The following NMRK1 variants were observed in gnomAD, a reference collection of about 807,000 sequenced individuals.
The protein encoded by NMRK1 is NRK 1.
In NMRK1, 28 loss-of-function variants were observed where a neutral mutation model predicts 29.9. The ratio of observed to expected loss-of-function variants is 0.94; its 90% CI spans 0.69 to 1.28. The LOEUF (loss-of-function observed/expected upper bound fraction) is 1.28. Among genes scored for constraint, NMRK1 ranks in the 50% most tolerant of loss-of-function variants. NMRK1 has a pLI of 0.00. For missense variants in NMRK1, 218 were observed against 233.1 expected (o/e 0.94, Z 0.42); for synonymous variants, 58 against 73.0 (o/e 0.79, Z 1.05).
At chr9:75,087,521 G>C (rs1326484984) in intron 1 of NMRK1, 2 of 151,606 alleles carry the variant, frequency 1.3e-5, no homozygotes, top group Non-Finnish European at 2.9e-5. Flanking sequence ...CCGTGTTCCA[G>C]TAAAATTTTA....
intron 2 of NMRK1, 150 bp downstream of exon 2, chr9:75,082,937 G>A: frequency 1.6e-6 from 1 of 637,284 alleles, no homozygotes; most frequent in East Asian, 2.6e-5. Flanking sequence ...CATTTATGAA[G>A]CCAGTGCTCC....
At chr9:75,068,180 T>C (rs1159926802) in intron 7 of NMRK1, among the ~76,000 whole-genome samples, 2 of 152,108 alleles carry the variant, frequency 1.3e-5, no homozygotes, top group Non-Finnish European at 2.9e-5. Flanking sequence ...TTCTACTGAG[T>C]GCGGGCGTCC....
At chr9:75,073,748 TAAAC>T (rs986396996) in intron 4 of NMRK1, among the ~76,000 whole-genome samples, 3 of 152,036 alleles carry the variant, frequency 2.0e-5, no homozygotes, top group Non-Finnish European at 2.9e-5. Context: ...CAATAAAAAA[TAAAC>T]AAACAAACAA....
intron 4 of NMRK1, among the ~76,000 whole-genome samples, chr9:75,076,438 G>C (rs192729415): frequency 1.5e-4 from 23 of 152,006 alleles, no homozygotes; most frequent in African/African-American, 2.9e-4. Context: ...GGAGGCAGGT[G>C]GGGGGGAATG....
At chr9:75,077,067 C>T (rs572285810) in intron 4 of NMRK1, 92 bp downstream of exon 4, 4 of 752,512 alleles carry the variant, frequency 5.3e-6, no homozygotes, top group Admixed American at 5.0e-5. Context: ...TTTTGTTCCA[C>T]AGAACCATCA....
chr9:75,069,553 A>C, intron 6 of NMRK1, 189 bp downstream of exon 6: 1 of 563,476 alleles, frequency 1.8e-6, no homozygotes, highest in Non-Finnish European at 3.1e-6. Context: ...TTTTCTTAGA[A>C]AGTAATTTGC....
Position 75,061,346 on chromosome 9 carries a change from C to A in NMRK1, c.*202G>T, listed in dbSNP as rs1823009124. The A allele has an allele frequency of 3.8e-6, 2 of 520,720 alleles. No homozygotes were observed. The highest frequency in any genetic ancestry group is 6.8e-6 in the Non-Finnish European group (2 of 295,056). The allele number at this position is 520,720 out of a possible 1,614,324, so 32.3% of individuals were successfully genotyped here. A position where few individuals can be genotyped will look rare whatever the true frequency, so the allele number is the denominator to read the frequency against. ...ATCTATGCGCTCCCTGGAGAGGGAG[C>A]AACTTGCTAAGGTACAGTCCTGTCC... On this transcript the variant is annotated 3_prime_UTR_variant, in exon 9 of 9. Coordinates refer to ENST00000361092, the MANE Select transcript of NMRK1 (RefSeq NM_017881.3).
At chr9:75,082,096 G>A (rs938100192) in intron 2 of NMRK1, among the ~76,000 whole-genome samples, 2 of 152,156 alleles carry the variant, frequency 1.3e-5, no homozygotes, top group African/African-American at 4.8e-5. Flanking sequence ...TCAATAACTC[G>A]GAACCACTGA....
intron 7 of NMRK1, among the ~76,000 whole-genome samples, chr9:75,068,354 GC>G (rs1823488127): frequency 6.6e-6 from 1 of 152,084 alleles, no homozygotes; most frequent in Non-Finnish European, 1.5e-5. Context: ...TAGATTATTG[GC>G]CTTATAGGGT....
chr9:75,062,732 C>A (rs11144211), intron 8 of NMRK1, among the ~76,000 whole-genome samples: 20,988 of 152,154 alleles, frequency 0.14, 1,808 homozygotes, highest in Non-Finnish European at 0.19. Flanking sequence ...CTTTTGCTTT[C>A]TATTAAACAT....
chr9:75,075,933 T>C (rs562259479), intron 4 of NMRK1, among the ~76,000 whole-genome samples: 1 of 152,326 alleles, frequency 6.6e-6, no homozygotes, highest in Non-Finnish European at 1.5e-5. Flanking sequence ...AAGAAAACCC[T>C]GTGATTCCAT....
rs1281606303 is a variant in NMRK1, at chr9:75,069,091, T to G, written c.401A>C (p.Tyr134Ser). 2 of 1,612,610 alleles carry G rather than the reference T, an allele frequency of 1.2e-6. No homozygotes were observed. The highest frequency in any genetic ancestry group is 2.7e-5 in the African/African-American group (2 of 74,888). The stretch of plus-strand genomic sequence containing the variant: ...GTATCCCGGAGAGTCTGGAGGCTGA[T>G]AGACCCTTGTACTATCAAAACACGT... ...ECKRRRSTRV[Y>S]QPPDSPGYFD... The change falls in exon 7 of 9, where the codon TAT (tyrosine) becomes TCT (serine). Residue 134 changes from tyrosine (Y) to serine (S), a missense_variant. Transcript: ENST00000361092.
At chr9:75,076,415 G>A (rs1823989620) in intron 4 of NMRK1, among the ~76,000 whole-genome samples, 1 of 152,036 alleles carries the variant, frequency 6.6e-6, no homozygotes, top group African/African-American at 2.4e-5. Context: ...GTGGTTACCA[G>A]AGACCCGGAA....
intron 2 of NMRK1, chr9:75,078,395 G>C (rs762295215): frequency 6.4e-7 from 1 of 1,560,628 alleles, no homozygotes; most frequent in South Asian, 1.2e-5. Context: ...CAGCTGGGAG[G>C]TCTGCTGTAG....
At chr9:75,077,785 G>A (rs1824089692) in intron 2 of NMRK1, among the ~76,000 whole-genome samples, 1 of 152,082 alleles carries the variant, frequency 6.6e-6, no homozygotes, top group African/African-American at 2.4e-5. Context: ...ACAGGTGCCC[G>A]CCACCATGCC....
At chr9:75,077,078 A>G in intron 4 of NMRK1, 81 bp downstream of exon 4, 1 of 825,530 alleles carries the variant, frequency 1.2e-6, no homozygotes, top group African/African-American at 1.7e-5. Flanking sequence ...AGAACCATCA[A>G]CTTCAACATA....
chr9:75,063,707 AC>A (rs1380864024), intron 8 of NMRK1, among the ~76,000 whole-genome samples: 3 of 152,154 alleles, frequency 2.0e-5, no homozygotes, highest in African/African-American at 7.2e-5. Flanking sequence ...GAGAAAAAAA[AC>A]CCTGAAGATT....
At chr9:75,085,298 C>A (rs556640618) in intron 1 of NMRK1, among the ~76,000 whole-genome samples, 1 of 152,294 alleles carries the variant, frequency 6.6e-6, no homozygotes, top group Non-Finnish European at 1.5e-5. Flanking sequence ...AGCAATTTGC[C>A]TAAGGTCACA....
rs149299548 is a variant in NMRK1 at position 75,075,732 on chromosome 9, A to G, written c.169+1427T>C. On this transcript the variant is annotated intron_variant, in intron 4 of 8. Transcript: ENST00000361092. ...AATATATTCACAAACCTTTCTGAAC[A>G]GAGAAAAAAACAAAACCAAACCACA... is the stretch of plus-strand genomic sequence containing the variant. Among the ~76,000 whole-genome samples, 7 of 152,364 alleles carry G rather than the reference A, an allele frequency of 4.6e-5. No homozygotes were observed. The East Asian group carries it at 1.2e-3, about 25-fold the overall frequency.
Sources: gnomAD v4.1 joint callset for allele counts (sites outside exome capture counted in the v4.1 genomes callset) on GRCh38, gnomAD v4.1.1 for gene constraint, MANE v1.5 for transcripts, NCBI Gene and HGNC (gene_info 2026-07-23, HGNC 2026-07-21) for gene names.